Variants in LRRC4C observed in about 807,000 individuals in gnomAD.
LRRC4C encodes leucine-rich repeat-containing protein 4C.
In LRRC4C, 5 loss-of-function variants were observed where a neutral mutation model predicts 33.6. The observed-to-expected ratio is 0.15, with a 90% confidence interval of 0.08 to 0.31. The LOEUF (loss-of-function observed/expected upper bound fraction) is 0.31, where lower values mean the gene tolerates loss of function less well. Ranked by LOEUF, LRRC4C falls within the 10% of genes least tolerant of loss-of-function variation. LRRC4C has a pLI of 1.00. For missense variants in LRRC4C, 560 were observed against 796.7 expected, an observed-to-expected ratio of 0.70 and a Z score of 3.58; for synonymous variants, 329 against 302.0, an observed-to-expected ratio of 1.09 and a Z score of -0.93.
intron 6 of LRRC4C, among the ~76,000 whole-genome samples, chr11:40,136,448 T>C (rs1856983530): frequency 6.6e-6 from 1 of 150,838 alleles, no homozygotes; most frequent in South Asian, 2.1e-4. Flanking sequence ...TTTTTTTTTT[T>C]TGTATTTTTA....
intron 3 of LRRC4C, among the ~76,000 whole-genome samples, chr11:40,370,477 T>TAGCAACAAC (rs1435671269): frequency 3.9e-5 from 6 of 152,164 alleles, no homozygotes; most frequent in African/African-American, 1.4e-4. Flanking sequence ...TAAAGTAACA[T>TAGCAACAAC]AGCAACAACA....
intron 3 of LRRC4C, among the ~76,000 whole-genome samples, chr11:40,452,171 T>C (rs949776474): frequency 2.6e-5 from 4 of 151,640 alleles, no homozygotes; most frequent in Admixed American, 6.6e-5. Flanking sequence ...AAAGACAAAA[T>C]TGACAAATGG....
At chr11:40,687,103 T>A (rs34339418) in intron 2 of LRRC4C, among the ~76,000 whole-genome samples, 15,367 of 152,100 alleles carry the variant, frequency 0.1, 859 homozygotes, top group Middle Eastern at 0.14. Flanking sequence ...TTGAAACTTG[T>A]TTTTTAAGAT....
chr11:40,974,126 C>T (rs1476463176), intron 1 of LRRC4C, among the ~76,000 whole-genome samples: 1 of 152,044 alleles, frequency 6.6e-6, no homozygotes, highest in Non-Finnish European at 1.5e-5. Flanking sequence ...TCTTTCATCC[C>T]ATATAGGAAG....
intron 5 of LRRC4C, among the ~76,000 whole-genome samples, chr11:40,234,644 G>A (rs940096935): frequency 3.3e-5 from 5 of 152,208 alleles, no homozygotes; most frequent in Admixed American, 6.5e-5. Context: ...GTTGGCACAC[G>A]CATGTGGTCC....
intron 3 of LRRC4C, among the ~76,000 whole-genome samples, chr11:40,391,434 A>C (rs1949333180): frequency 6.6e-6 from 1 of 152,172 alleles, no homozygotes; most frequent in East Asian, 1.9e-4. Flanking sequence ...TGCTTTAAGC[A>C]CTTTATAAAT....
rs77654652 is a variant in LRRC4C at position 40,306,510 on chromosome 11, T to C, written c.-176+13118A>G. Among the ~76,000 whole-genome samples, 81 of 152,324 alleles carry C rather than the reference T, an allele frequency of 5.3e-4. 3 individuals are homozygous for C. In the East Asian group the frequency reaches 0.015, roughly 29 times the overall value. On this transcript the variant is annotated intron_variant, in intron 4 of 6. Transcript: ENST00000528697. The stretch of plus-strand genomic sequence containing the variant: ...TTCATTCTCACATGGACAAAGTGTA[T>C]GGCATGTGTCCCTTCCTTTACACTC...
chr11:40,958,650 A>G (rs1959062175), intron 1 of LRRC4C, among the ~76,000 whole-genome samples: 1 of 151,792 alleles, frequency 6.6e-6, no homozygotes, highest in Admixed American at 6.6e-5. Flanking sequence ...CAACAAATAA[A>G]TAGAATGTGT....
At chr11:41,351,078 T>G (rs1506721) in intron 1 of LRRC4C, among the ~76,000 whole-genome samples, 2 of 152,084 alleles carry the variant, frequency 1.3e-5, no homozygotes, top group African/African-American at 4.8e-5. Flanking sequence ...AAAAATTTTT[T>G]AAAAATTAGC....
chr11:40,177,883 C>A (rs761910118), intron 5 of LRRC4C, among the ~76,000 whole-genome samples: 2 of 152,064 alleles, frequency 1.3e-5, no homozygotes, highest in African/African-American at 2.4e-5. Context: ...TAGAATTGAG[C>A]CTGGCACATA....
intron 1 of LRRC4C, among the ~76,000 whole-genome samples, chr11:41,458,918 G>T (rs1956251469): frequency 6.6e-6 from 1 of 151,818 alleles, no homozygotes; most frequent in Admixed American, 6.6e-5. Context: ...CCACGCATTC[G>T]CTACTCTCTA....
intron 1 of LRRC4C, among the ~76,000 whole-genome samples, chr11:41,278,347 T>G (rs1949548486): frequency 6.6e-6 from 1 of 152,178 alleles, no homozygotes; most frequent in Non-Finnish European, 1.5e-5. Flanking sequence ...AACCATATTT[T>G]TACCCATCAA....
chr11:41,203,848 C>T (rs1438502630), intron 1 of LRRC4C, among the ~76,000 whole-genome samples: 1 of 152,126 alleles, frequency 6.6e-6, no homozygotes, highest in African/African-American at 2.4e-5. Context: ...CATTCACAGC[C>T]CAAAATGTCT....
chr11:40,953,184 G>C (rs1343192590), intron 1 of LRRC4C, among the ~76,000 whole-genome samples: 1 of 151,728 alleles, frequency 6.6e-6, no homozygotes, highest in African/African-American at 2.4e-5. Flanking sequence ...ATCCCGAGAG[G>C]GACCCTATTT....
At chr11:40,628,474 T>C (rs561323268) in intron 3 of LRRC4C, among the ~76,000 whole-genome samples, 2 of 137,440 alleles carry the variant, frequency 1.5e-5, no homozygotes, top group African/African-American at 2.5e-5. Context: ...CGAGACTCCA[T>C]CTCAAAAAAA....
rs143965820 is a variant in LRRC4C, at chr11:40,709,573, T to A, written c.-406-61295A>T. Among the ~76,000 whole-genome samples the A allele has an allele frequency of 5.2e-3, 794 of 152,324 alleles. 14 individuals are homozygous for A. The highest frequency in any genetic ancestry group is 0.018 in the African/African-American group (765 of 41,570). ...CTTGTAGGTTTTCTGCTGAGAGATC[T>A]GCTGTTAGTCTGATGGGCTTCCTTT... On this transcript the variant is annotated intron_variant, in intron 2 of 6. Coordinates refer to ENST00000528697, the MANE Select transcript of LRRC4C (RefSeq NM_001258419.2).
At chr11:40,420,191 C>T (rs1252204006) in intron 3 of LRRC4C, among the ~76,000 whole-genome samples, 1 of 152,186 alleles carries the variant, frequency 6.6e-6, no homozygotes, top group Non-Finnish European at 1.5e-5. Context: ...TCTCAGACTT[C>T]AGAGAGCTTA....
At position 41,281,553 on chromosome 11, in the gene LRRC4C, T is replaced by C. The variant is rs1565544447; in HGVS notation, c.-496+177878A>G. ...CAGAGAAGAATTTCACAGCTGAATC[T>C]GTGAGGCTTCCTGACTATGGCTTAA... On this transcript the variant is annotated intron_variant, in intron 1 of 6. Transcript: ENST00000528697. Among the ~76,000 whole-genome samples the C allele has an allele frequency of 2.6e-5, 4 of 152,362 alleles. No individual in the cohort carries two copies. The South Asian group carries it at 8.3e-4, about 32-fold the overall frequency.
chr11:40,841,657 T>G (rs1007138666), intron 2 of LRRC4C, among the ~76,000 whole-genome samples: 1 of 152,216 alleles, frequency 6.6e-6, no homozygotes, highest in African/African-American at 2.4e-5. Context: ...TCCAGAAGTA[T>G]GAGAAATAAT....
Sources: allele counts gnomAD v4.1 joint callset (sites outside exome capture counted in the v4.1 genomes callset), GRCh38; gene constraint gnomAD v4.1.1; transcripts MANE v1.5; gene names NCBI Gene and HGNC (gene_info 2026-07-23, HGNC 2026-07-21).